SRRM3: variants seen among roughly 807,000 people sequenced by gnomAD.
The protein encoded by SRRM3 is serine/arginine repetitive matrix protein 3.
In SRRM3, 27 loss-of-function variants were observed where a neutral mutation model predicts 66.2. The observed-to-expected ratio is 0.41, with a 90% CI of 0.30 to 0.56. The LOEUF (loss-of-function observed/expected upper bound fraction) is 0.56, where lower values mean the gene tolerates loss of function less well. SRRM3 is among the 20% of genes least tolerant of loss of function. The pLI is 0.32. For synonymous variants in SRRM3, 391 were observed against 414.9 expected (o/e 0.94, Z 0.70); for missense variants, 918 against 991.9 (o/e 0.93, Z 1.00).
rs186225900 is a variant in SRRM3 at position 76,261,922 on chromosome 7, G to A, written c.674+341G>A. On this transcript the variant is annotated intron_variant, in intron 8 of 14. Coordinates refer to ENST00000611745, the MANE Select transcript of SRRM3 (RefSeq NM_001110199.3). Reference sequence around the variant, plus strand: ...CCCTGAATTTGCAGGGAAACAGCTCGCGAGGCAGGAGGACCTCTGTGAGCT... The same window carrying A: ...CCCTGAATTTGCAGGGAAACAGCTCACGAGGCAGGAGGACCTCTGTGAGCT... Among the ~76,000 whole-genome samples, 85 of 151,810 alleles carry A rather than the reference G, an allele frequency of 5.6e-4. 1 individual carries two copies. The East Asian group carries it at 0.015, about 26-fold the overall frequency.
At chr7:76,208,505 C>CAA (rs112442379) in intron 1 of SRRM3, among the ~76,000 whole-genome samples, 5 of 133,566 alleles carry the variant, frequency 3.7e-5, no homozygotes, top group African/African-American at 1.1e-4. Context: ...CCTATCTCTA[C>CAA]AAAAAAAAAA....
intron 1 of SRRM3, among the ~76,000 whole-genome samples, chr7:76,207,862 G>A (rs904122469): frequency 6.6e-6 from 1 of 152,124 alleles, no homozygotes. Context: ...GAGCAACAGA[G>A]CGGGGGACTC....
intron 1 of SRRM3, among the ~76,000 whole-genome samples, chr7:76,226,432 G>A (rs1800865434): frequency 6.6e-6 from 1 of 152,246 alleles, no homozygotes; most frequent in African/African-American, 2.4e-5. Context: ...GGGTTTGGCT[G>A]GCTCCAGCAT....
At chr7:76,261,650 T>C in intron 8 of SRRM3, 69 bp downstream of exon 8, 1 of 1,531,796 alleles carries the variant, frequency 6.5e-7, no homozygotes, top group South Asian at 1.2e-5. Flanking sequence ...GACGCAATGA[T>C]GGGAGGGGGT....
intron 6 of SRRM3, 94 bp from the exon 7 acceptor site, chr7:76,261,258 G>T: frequency 2.3e-6 from 2 of 876,924 alleles, no homozygotes; most frequent in South Asian, 1.7e-5. Flanking sequence ...TCCCTTTCCA[G>T]CTTCAATGTC....
chr7:76,261,483 C>T (rs1298801237), intron 7 of SRRM3, 63 bp from the exon 8 acceptor site: 2 of 1,600,498 alleles, frequency 1.2e-6, no homozygotes, highest in East Asian at 2.3e-5. Context: ...GGCTGTGGCC[C>T]TCCATAGGTC....
intron 8 of SRRM3, among the ~76,000 whole-genome samples, chr7:76,263,793 A>G (rs1801938682): frequency 6.7e-6 from 1 of 148,784 alleles, no homozygotes; most frequent in African/African-American, 2.5e-5. Context: ...GAATTGCTTG[A>G]ACCTGCAAGG....
In SRRM3 at chr7:76,279,954, T is replaced by TTC. The variant is rs782308455; in HGVS notation, c.1009-1471_1009-1470dup. On this transcript the variant is annotated intron_variant, in intron 11 of 14. Coordinates refer to ENST00000611745, the MANE Select transcript of SRRM3 (RefSeq NM_001110199.3). ...CAGGCCTAGAATGGGGTGGTTGCGT[T>TTC]TCTCTCTCTCTCTCTCTATCTCTCT... 4.9e-3 allele frequency among the ~76,000 whole-genome samples: 743 copies of TTC among 150,154 alleles called. 7 individuals are homozygous for TTC. The highest frequency in any genetic ancestry group is 0.016 in the African/African-American group (667 of 41,140).
rs572822611 is a variant in SRRM3, at chr7:76,249,164, T to C, written c.335+875T>C. Reference sequence around the variant, plus strand: ...ACTTTGGGAGGCCAAGGTGGGAGGATTGCTTGAGCTCAGGAGTTCGAGACC... The same window carrying C: ...ACTTTGGGAGGCCAAGGTGGGAGGACTGCTTGAGCTCAGGAGTTCGAGACC... On this transcript the variant is annotated intron_variant, in intron 3 of 14. Coordinates refer to ENST00000611745, the MANE Select transcript of SRRM3 (RefSeq NM_001110199.3). 5.3e-5 allele frequency among the ~76,000 whole-genome samples: 8 copies of C among 152,082 alleles called. No homozygotes were observed. In the East Asian group the frequency reaches 7.8e-4, roughly 15 times the overall value.
At chr7:76,233,155 G>C (rs1352461987) in intron 1 of SRRM3, among the ~76,000 whole-genome samples, 1 of 152,140 alleles carries the variant, frequency 6.6e-6, no homozygotes, top group African/African-American at 2.4e-5. Flanking sequence ...AAAATTCTTT[G>C]TTTTAATTAG....
chr7:76,285,390 CG>C lies in SRRM3; in HGVS notation c.1734-223del, dbSNP rs1802636946. On this transcript the variant is annotated intron_variant, in intron 14 of 14. Transcript: ENST00000611745. The surrounding 1 kb of genome is among the most constrained non-coding windows in gnomAD (Gnocchi z 4.1). ...CAACAAGTATTTATTAGCAGGTGTT[CG>C]GATCGGGCAGAGACATGGTCTCCTT... 5.3e-6 allele frequency: 3 copies of C among 567,526 alleles called. No individual in the cohort carries two copies. Among genetic ancestry groups the C allele is most frequent in the Non-Finnish European group, 9.4e-6 (3 of 318,098 alleles). 35.2% of individuals were successfully genotyped at this position (567,526 alleles called of 1,614,324 possible).
intron 8 of SRRM3, among the ~76,000 whole-genome samples, chr7:76,263,764 C>T (rs73373426): frequency 0.33 from 50,522 of 150,922 alleles, 9,757 homozygotes; most frequent in East Asian, 0.6. Context: ...TCCCAGCTAC[C>T]TGGGAGGCTG....
rs1554611929 is a variant in SRRM3, at chr7:76,281,704, C to T, written c.1272C>T (p.Ser424=). ...APPRGSSRSL[S]RARSSSDSGS... ...CCCGGGGCTCGTCGCGCTCGCTCAG[C>T]AGGGCCCGCTCCAGCAGCGACTCCG... is the stretch of plus-strand genomic sequence containing the variant. The change falls in exon 12 of 15, where the codon AGC becomes AGT. Residue 424 remains serine, a synonymous_variant. Transcript: ENST00000611745. The T allele has an allele frequency of 4.3e-6, 5 of 1,157,734 alleles. No individual in the cohort carries two copies. Among genetic ancestry groups the T allele is most frequent in the Non-Finnish European group, 5.3e-6 (5 of 937,294 alleles). The allele number at this position is 1,157,734 out of a possible 1,614,324, so 71.7% of individuals were successfully genotyped here. A position where few individuals can be genotyped will look rare whatever the true frequency, so the allele number is the denominator to read the frequency against.
At chr7:76,260,531 T>C in intron 5 of SRRM3, among the ~76,000 whole-genome samples, 1 of 81,228 alleles carries the variant, frequency 1.2e-5, no homozygotes, top group Non-Finnish European at 2.5e-5. Context: ...CGAGGTCCTC[T>C]CCCCACTAGG....
chr7:76,261,564 G>C lies in SRRM3; in HGVS notation c.657G>C (p.Arg219=), dbSNP rs1554608780. 6.2e-7 allele frequency: 1 copy of C among 1,612,046 alleles called. No individual in the cohort carries two copies. The highest frequency in any genetic ancestry group is 8.5e-7 in the Non-Finnish European group (1 of 1,179,186). ...CCTACAGGTCTGATTCTGGGTCCCGGAGGAAGAGACGGCACAGGTGAGCGG... is the reference window on the plus strand; with the variant it reads ...CCTACAGGTCTGATTCTGGGTCCCGCAGGAAGAGACGGCACAGGTGAGCGG... ...HRRDRSDSGS[R]RKRRHRSRSS... is the part of the protein sequence containing the mutation. The change falls in exon 8 of 15, where the codon CGG becomes CGC. Residue 219 remains arginine, a synonymous_variant. Coordinates refer to ENST00000611745, the MANE Select transcript of SRRM3 (RefSeq NM_001110199.3).
At chr7:76,272,435 G>A (rs1554610621) in intron 11 of SRRM3, among the ~76,000 whole-genome samples, 1 of 152,078 alleles carries the variant, frequency 6.6e-6, no homozygotes, top group African/African-American at 2.4e-5. Context: ...AGATGTGATG[G>A]TGCATGCCTA....
At chr7:76,258,746 G>GA (rs1236656807) in intron 3 of SRRM3, among the ~76,000 whole-genome samples, 1,625 of 108,758 alleles carry the variant, frequency 0.015, 39 homozygotes, top group African/African-American at 0.052. Flanking sequence ...AAAAGAAAAA[G>GA]AAAAAAAAAA....
chr7:76,259,817 T>A, intron 3 of SRRM3, 89 bp from the exon 4 acceptor site: 3 of 1,574,624 alleles, frequency 1.9e-6, no homozygotes, highest in Non-Finnish European at 2.6e-6. Context: ...CCCGCAGACT[T>A]GCGGGGCTAG....
chr7:76,245,742 C>T (rs1801425962), intron 2 of SRRM3, among the ~76,000 whole-genome samples: 1 of 152,212 alleles, frequency 6.6e-6, no homozygotes, highest in Non-Finnish European at 1.5e-5. Context: ...GTCACCCAGG[C>T]TGGAGTGCAG....
Sources: gnomAD v4.1 joint callset for allele counts (sites outside exome capture counted in the v4.1 genomes callset) on GRCh38, gnomAD v4.1.1 for gene constraint, Gnocchi (gnomAD v3.1) non-coding constraint, MANE v1.5 for transcripts, NCBI Gene and HGNC (gene_info 2026-07-23, HGNC 2026-07-21) for gene names.